The following PHF2 variants were observed in gnomAD, a reference collection of about 807,000 sequenced individuals.
The protein encoded by PHF2 is lysine-specific demethylase PHF2.
A neutral mutation model predicts 120.5 loss-of-function variants in PHF2; 27 were observed. That is an observed-to-expected ratio of 0.22 (90% CI 0.17 to 0.31). The LOEUF (loss-of-function observed/expected upper bound fraction) is 0.31. Ranked by LOEUF, PHF2 falls within the 10% of genes least tolerant of loss-of-function variation. PHF2 has a pLI of 1.00. For synonymous variants in PHF2, 568 were observed against 592.5 expected (o/e 0.96, Z 0.60); for missense variants, 1,024 against 1,434.8 (o/e 0.71, Z 4.63).
chr9:93,670,351 C>T (rs879788565), intron 17 of PHF2, among the ~76,000 whole-genome samples: 1 of 152,216 alleles, frequency 6.6e-6, no homozygotes, highest in Non-Finnish European at 1.5e-5. Context: ...TAGAAAGGGA[C>T]GTTGCAGGGT....
In PHF2 at chr9:93,582,495, C is replaced by T. The variant is rs562255724; in HGVS notation, c.98+5624C>T. On this transcript the variant is annotated intron_variant, in intron 1 of 21. Coordinates refer to ENST00000359246, the MANE Select transcript of PHF2 (RefSeq NM_005392.4). Reference sequence around the variant, plus strand: ...GTAGTGCCTCCCTCTCTGCATCTCTCCTTCTCTGTCCCCTAACTTCTGCCA... The same window carrying T: ...GTAGTGCCTCCCTCTCTGCATCTCTTCTTCTCTGTCCCCTAACTTCTGCCA... Among the ~76,000 whole-genome samples, 47 of 152,344 alleles carry T rather than the reference C, an allele frequency of 3.1e-4. 1 individual carries two copies. The Middle Eastern group carries it at 0.014, about 44-fold the overall frequency.
intron 1 of PHF2, among the ~76,000 whole-genome samples, chr9:93,624,117 A>G (rs900647872): frequency 2.0e-5 from 3 of 152,212 alleles, no homozygotes; most frequent in Admixed American, 6.5e-5. Flanking sequence ...ACCTACCTCA[A>G]TTTCCCTATT....
intron 1 of PHF2, among the ~76,000 whole-genome samples, chr9:93,608,398 G>GTTTTTTTTTTTTTTTTTTTTTTTTTT (rs35097935): frequency 7.0e-6 from 1 of 142,690 alleles, no homozygotes; most frequent in Non-Finnish European, 1.5e-5. Context: ...TTGATTGGTA[G>GTTTTTTTTTTTTTTTTTTTTTTTTTT]TTTTTTTTTT....
chr9:93,659,029 G>A (rs868842458), intron 10 of PHF2, among the ~76,000 whole-genome samples: 1 of 152,218 alleles, frequency 6.6e-6, no homozygotes, highest in African/African-American at 2.4e-5. Context: ...GAAGGCCAGT[G>A]GAGATTTACA....
intron 1 of PHF2, among the ~76,000 whole-genome samples, chr9:93,590,586 AT>A (rs1263147144): frequency 6.6e-6 from 1 of 152,184 alleles, no homozygotes; most frequent in African/African-American, 2.4e-5. Flanking sequence ...TAAACTTTTA[AT>A]TTTAGAATTG....
At position 93,665,994 on chromosome 9, in the gene PHF2, G is replaced by A; in HGVS notation, c.2121G>A (p.Leu707=). Residue 707 remains leucine (L), a synonymous_variant, in exon 16 of 22, where the codon TTG becomes TTA. Coordinates refer to ENST00000359246, the MANE Select transcript of PHF2 (RefSeq NM_005392.4). ...KNAPKRDLSF[L]LDKKAVLPTP... The stretch of plus-strand genomic sequence containing the variant: ...TGCCATCTGCTGTGCTTTCAGTCTT[G>A]TTGGATAAGAAGGCTGTGCTGCCCA... The A allele has an allele frequency of 6.2e-7, 1 of 1,613,540 alleles. No individual in the cohort carries two copies. The highest frequency in any genetic ancestry group is 8.5e-7 in the Non-Finnish European group (1 of 1,179,822).
chr9:93,619,762 G>A (rs1231737495), intron 1 of PHF2, among the ~76,000 whole-genome samples: 3 of 152,226 alleles, frequency 2.0e-5, no homozygotes, highest in South Asian at 2.1e-4. Context: ...TTCTGTTGTC[G>A]CAGGAAGAAA....
intron 19 of PHF2, 79 bp downstream of exon 19, chr9:93,675,101 C>G: frequency 8.6e-7 from 1 of 1,169,400 alleles, no homozygotes; most frequent in Non-Finnish European, 1.3e-6. Flanking sequence ...CCCTCCAGCC[C>G]CTGAGAATGT....
chr9:93,663,001 A>G lies in PHF2; in HGVS notation c.1793A>G (p.Lys598Arg). The change falls in exon 13 of 22, where the codon AAG becomes AGG. Residue 598 changes from lysine (K) to arginine (R), a missense_variant. Lys to Arg is a conservative substitution (Grantham distance 26). Transcript: ENST00000359246. ...RLEIREQTKS[K>R]SEAKWKYKNS... ...GAAATTCGAGAGCAAACCAAGAGCA[A>G]GTCAGAGGCCAAGTGGAAGTACAAG... 1 of 1,614,158 alleles carries G rather than the reference A, an allele frequency of 6.2e-7. No homozygotes were observed. The highest frequency in any genetic ancestry group is 8.5e-7 in the Non-Finnish European group (1 of 1,180,004).
chr9:93,643,748 C>A (rs1296238680), intron 3 of PHF2, among the ~76,000 whole-genome samples: 2 of 152,186 alleles, frequency 1.3e-5, no homozygotes, highest in African/African-American at 4.8e-5. Flanking sequence ...CCTGGAGAAT[C>A]TGACAGGTAT....
chr9:93,609,266 A>G (rs1174656647), intron 1 of PHF2, among the ~76,000 whole-genome samples: 1 of 152,030 alleles, frequency 6.6e-6, no homozygotes, highest in Non-Finnish European at 1.5e-5. Flanking sequence ...GTAGTCATGA[A>G]GTACATTGTT....
intron 1 of PHF2, among the ~76,000 whole-genome samples, chr9:93,589,141 AG>A (rs566927530): frequency 2.4e-3 from 366 of 152,328 alleles, no homozygotes; most frequent in Non-Finnish European, 4.4e-3. Context: ...CTCTTTCTCT[AG>A]TTCCTTCTAC....
intron 3 of PHF2, among the ~76,000 whole-genome samples, chr9:93,637,823 G>A (rs150783082): frequency 1.6e-3 from 240 of 152,262 alleles, no homozygotes; most frequent in African/African-American, 5.6e-3. Flanking sequence ...TGGGTCATAT[G>A]GTAACTCTCT....
intron 5 of PHF2, among the ~76,000 whole-genome samples, chr9:93,649,634 A>G (rs1316041785): frequency 6.6e-6 from 1 of 151,498 alleles, no homozygotes; most frequent in East Asian, 1.9e-4. Context: ...CACAACATTC[A>G]CGCTTACTCA....
At chr9:93,637,704 C>T (rs1452489854) in intron 3 of PHF2, among the ~76,000 whole-genome samples, 1 of 152,226 alleles carries the variant, frequency 6.6e-6, no homozygotes, top group African/African-American at 2.4e-5. Flanking sequence ...AGGTGATGGT[C>T]ATTTGCGTTG....
chr9:93,603,891 C>T (rs910741095), intron 1 of PHF2, among the ~76,000 whole-genome samples: 3 of 152,216 alleles, frequency 2.0e-5, no homozygotes, highest in Admixed American at 6.5e-5. Flanking sequence ...CTTAAATGCT[C>T]ACCTTCAGTC....
At chr9:93,576,960 G>A (rs1384841638) in intron 1 of PHF2, 89 bp downstream of exon 1, 7 of 475,154 alleles carry the variant, frequency 1.5e-5, no homozygotes, top group African/African-American at 2.1e-5. Context: ...CGCGCCCGCA[G>A]GCCCGGCTCG....
At chr9:93,587,700 C>T (rs569506377) in intron 1 of PHF2, among the ~76,000 whole-genome samples, 2 of 152,242 alleles carry the variant, frequency 1.3e-5, no homozygotes, top group African/African-American at 4.8e-5. Flanking sequence ...CGAGCTCCCC[C>T]AGTGCCAGTT....
chr9:93,625,949 A>T (rs987362252), intron 1 of PHF2, among the ~76,000 whole-genome samples: 1 of 149,764 alleles, frequency 6.7e-6, no homozygotes, highest in Admixed American at 6.7e-5. Flanking sequence ...AACTTACTTT[A>T]AAAAAAAAAT....
Sources: allele counts gnomAD v4.1 joint callset (sites outside exome capture counted in the v4.1 genomes callset), GRCh38; gene constraint gnomAD v4.1.1; transcripts MANE v1.5; gene names NCBI Gene and HGNC (gene_info 2026-07-23, HGNC 2026-07-21).